The following SMAP1 variants were observed in gnomAD, a reference collection of about 807,000 sequenced individuals.
SMAP1 encodes stromal membrane-associated protein 1.
Under a neutral mutation model 58.5 loss-of-function variants are expected in SMAP1, and 24 were observed. The observed-to-expected ratio is 0.41, with a 90% CI of 0.30 to 0.58. The LOEUF is 0.58. Among genes scored for constraint, SMAP1 ranks in the 20% least tolerant of loss-of-function variants. SMAP1 has a pLI of 0.29. For synonymous variants in SMAP1, 216 were observed against 196.6 expected (o/e 1.10, Z -0.82); for missense variants, 563 against 566.3 (o/e 0.99, Z 0.06).
intron 6 of SMAP1, among the ~76,000 whole-genome samples, chr6:70,800,334 T>G (rs932045635): frequency 6.6e-6 from 1 of 152,050 alleles, no homozygotes; most frequent in Non-Finnish European, 1.5e-5. Flanking sequence ...AAAATCTTCC[T>G]TTTCATAGGC....
intron 6 of SMAP1, among the ~76,000 whole-genome samples, chr6:70,806,568 A>C (rs1419495135): frequency 6.6e-6 from 1 of 152,132 alleles, no homozygotes; most frequent in East Asian, 1.9e-4. Context: ...AAATGCAGAA[A>C]TCACCCATCT....
chr6:70,810,481 G>A (rs1483231850), intron 6 of SMAP1, among the ~76,000 whole-genome samples: 2 of 152,128 alleles, frequency 1.3e-5, no homozygotes, highest in Admixed American at 1.3e-4. Context: ...TGTTTCCCAT[G>A]GAAATATATA....
intron 7 of SMAP1, among the ~76,000 whole-genome samples, chr6:70,842,726 G>A (rs1770848356): frequency 6.6e-6 from 1 of 152,110 alleles, no homozygotes; most frequent in African/African-American, 2.4e-5. Flanking sequence ...GTGCAGTGGT[G>A]GAACAGTGAG....
intron 4 of SMAP1, among the ~76,000 whole-genome samples, chr6:70,775,025 A>G (rs918732753): frequency 1.3e-5 from 2 of 151,660 alleles, no homozygotes; most frequent in Non-Finnish European, 2.9e-5. Flanking sequence ...AAAAAAAAAA[A>G]TTAAGTTTTC....
chr6:70,684,116 T>C (rs1156892156), intron 1 of SMAP1, among the ~76,000 whole-genome samples: 1 of 152,242 alleles, frequency 6.6e-6, no homozygotes. Flanking sequence ...AAGGATTATC[T>C]ATTATTTAGC....
intron 2 of SMAP1, among the ~76,000 whole-genome samples, chr6:70,749,599 A>T (rs1002548632): frequency 3.4e-4 from 50 of 147,554 alleles, no homozygotes; most frequent in Non-Finnish European, 6.1e-4. Context: ...TACCTCATTT[A>T]AAAAAAAAAC....
At chr6:70,789,047 CT>C (rs1768219110) in intron 4 of SMAP1, among the ~76,000 whole-genome samples, 1 of 152,032 alleles carries the variant, frequency 6.6e-6, no homozygotes, top group Non-Finnish European at 1.5e-5. Flanking sequence ...TTTCACTGCC[CT>C]TTTTTCTTCC....
intron 4 of SMAP1, among the ~76,000 whole-genome samples, chr6:70,787,402 G>A (rs964936102): frequency 2.6e-5 from 4 of 152,162 alleles, no homozygotes; most frequent in African/African-American, 9.7e-5. Flanking sequence ...AGGACTTCAT[G>A]TCTAAAACAC....
At chr6:70,826,393 A>G (rs1241680134) in intron 6 of SMAP1, among the ~76,000 whole-genome samples, 3 of 144,918 alleles carry the variant, frequency 2.1e-5, no homozygotes, top group Non-Finnish European at 4.6e-5. Context: ...ATTCAAAAGG[A>G]TTTTTTTTTT....
At chr6:70,821,004 C>T (rs1034083300) in intron 6 of SMAP1, among the ~76,000 whole-genome samples, 1 of 152,138 alleles carries the variant, frequency 6.6e-6, no homozygotes, top group African/African-American at 2.4e-5. Flanking sequence ...AGTTTGATTT[C>T]TGTATCCTTT....
intron 3 of SMAP1, among the ~76,000 whole-genome samples, chr6:70,768,528 T>G (rs1414431219): frequency 6.6e-6 from 1 of 152,216 alleles, no homozygotes; most frequent in Non-Finnish European, 1.5e-5. Context: ...ATTATCCAGT[T>G]TATTTGCGTA....
chr6:70,711,511 A>G (rs1209088537), intron 1 of SMAP1, among the ~76,000 whole-genome samples: 2 of 150,516 alleles, frequency 1.3e-5, no homozygotes, highest in Admixed American at 6.6e-5. Context: ...TTACTGAATT[A>G]ATTTATTAGC....
chr6:70,856,759 G>A (rs1390489947), intron 8 of SMAP1, 100 bp from the exon 9 acceptor site: 1 of 1,235,390 alleles, frequency 8.1e-7, no homozygotes, highest in Non-Finnish European at 1.1e-6. Flanking sequence ...ACAATTGTTT[G>A]ATTCCTATCT....
chr6:70,694,029 C>T, intron 1 of SMAP1: 1 of 175,916 alleles, frequency 5.7e-6, no homozygotes. Context: ...TTGTTCTTAC[C>T]CTAATCTAAA....
At chr6:70,704,736 A>G (rs576478084) in intron 1 of SMAP1, among the ~76,000 whole-genome samples, 6 of 152,296 alleles carry the variant, frequency 3.9e-5, no homozygotes, top group South Asian at 4.1e-4. Flanking sequence ...GGATTAGTCA[A>G]CCGTATCCAT....
At chr6:70,786,839 C>G (rs1478357583) in intron 4 of SMAP1, among the ~76,000 whole-genome samples, 1 of 152,146 alleles carries the variant, frequency 6.6e-6, no homozygotes, top group Non-Finnish European at 1.5e-5. Context: ...TGCTCATGGA[C>G]AGGAAGAATC....
At position 70,847,186 on chromosome 6, in the gene SMAP1, A is replaced by C. The variant is rs1771025446; in HGVS notation, c.665-5354A>C. ...TACAGTTAATAGAGTCATTTGGCTC[A>C]CTTCCCAAATTGAGGATTTTTAGGT... On this transcript the variant is annotated intron_variant, in intron 7 of 10. Transcript: ENST00000370455. 1.3e-5 allele frequency among the ~76,000 whole-genome samples: 2 copies of C among 152,184 alleles called. 1 individual carries two copies. Among genetic ancestry groups the C allele is most frequent in the African/African-American group, 4.8e-5 (2 of 41,454 alleles).
intron 4 of SMAP1, among the ~76,000 whole-genome samples, chr6:70,783,522 C>G (rs1767858638): frequency 6.6e-6 from 1 of 152,026 alleles, no homozygotes; most frequent in Admixed American, 6.6e-5. Context: ...GGAGGAAACT[C>G]AAACAAATGG....
chr6:70,686,524 C>G (rs770955488), intron 1 of SMAP1, among the ~76,000 whole-genome samples: 26 of 152,144 alleles, frequency 1.7e-4, no homozygotes, highest in Non-Finnish European at 3.2e-4. Flanking sequence ...TAAACTGATA[C>G]AGTTGACAAA....
Sources: allele counts gnomAD v4.1 joint callset (sites outside exome capture counted in the v4.1 genomes callset), GRCh38; gene constraint gnomAD v4.1.1; transcripts MANE v1.5; gene names NCBI Gene and HGNC (gene_info 2026-07-23, HGNC 2026-07-21).